GPR39: variants seen among roughly 807,000 people sequenced by gnomAD.
GPR39 encodes G protein-coupled receptor 39, also known as zinc sensing receptor.
A neutral mutation model predicts 18.4 loss-of-function variants in GPR39; 23 were observed. The ratio of observed to expected loss-of-function variants is 1.25; its 90% CI spans 0.90 to 1.77. The LOEUF (loss-of-function observed/expected upper bound fraction) is 1.77. Ranked by LOEUF, GPR39 falls within the 40% of genes most tolerant of loss-of-function variation. The pLI is 0.00. For synonymous variants in GPR39, 280 were observed against 257.9 expected, an observed-to-expected ratio of 1.09 and a Z score of -0.82; for missense variants, 647 against 602.4, an observed-to-expected ratio of 1.07 and a Z score of -0.78.
intron 1 of GPR39, among the ~76,000 whole-genome samples, chr2:132,503,861 G>T (rs1292110850): frequency 1.3e-5 from 2 of 152,140 alleles, no homozygotes; most frequent in Non-Finnish European, 2.9e-5. Context: ...AGTCATACAG[G>T]TCACCAAGGA....
At chr2:132,577,165 T>C (rs1680543819) in intron 1 of GPR39, among the ~76,000 whole-genome samples, 1 of 151,978 alleles carries the variant, frequency 6.6e-6, no homozygotes, top group Non-Finnish European at 1.5e-5. Flanking sequence ...GAGACCAGCC[T>C]GGGCAACACG....
intron 1 of GPR39, among the ~76,000 whole-genome samples, chr2:132,483,479 C>T (rs993989489): frequency 6.6e-6 from 1 of 152,214 alleles, no homozygotes; most frequent in Non-Finnish European, 1.5e-5. Context: ...TTTTGTATGC[C>T]TTCCATGTTG....
At chr2:132,461,145 G>A (rs1680823268) in intron 1 of GPR39, among the ~76,000 whole-genome samples, 1 of 152,104 alleles carries the variant, frequency 6.6e-6, no homozygotes, top group Non-Finnish European at 1.5e-5. Context: ...ACCCTTGTGG[G>A]TAGTATTCTC....
chr2:132,517,439 A>G (rs1679353440), intron 1 of GPR39, among the ~76,000 whole-genome samples: 2 of 152,130 alleles, frequency 1.3e-5, no homozygotes. Flanking sequence ...ATTCTAGTTG[A>G]ATTTCCTCTA....
chr2:132,578,190 ATTT>A (rs1218610617), intron 1 of GPR39, among the ~76,000 whole-genome samples: 1 of 146,402 alleles, frequency 6.8e-6, no homozygotes, highest in Non-Finnish European at 1.5e-5. Flanking sequence ...GATTTTATTT[ATTT>A]TTCTCAAATA....
chr2:132,565,078 C>G (rs1473632567), intron 1 of GPR39, among the ~76,000 whole-genome samples: 6 of 151,994 alleles, frequency 3.9e-5, no homozygotes, highest in Non-Finnish European at 8.8e-5. Context: ...CTCAGCCTCC[C>G]AAAGTGCTGG....
chr2:132,477,091 T>C (rs913770439), intron 1 of GPR39, among the ~76,000 whole-genome samples: 2 of 152,226 alleles, frequency 1.3e-5, no homozygotes, highest in Non-Finnish European at 2.9e-5. Flanking sequence ...ATCCCATCTG[T>C]TTTTACATGG....
chr2:132,634,206 C>T (rs547187697), intron 1 of GPR39, among the ~76,000 whole-genome samples: 15 of 152,092 alleles, frequency 9.9e-5, no homozygotes, highest in African/African-American at 3.6e-4. Context: ...AGAGATGATT[C>T]TGGAGGTGAG....
At chr2:132,560,090 C>T (rs751878552) in intron 1 of GPR39, among the ~76,000 whole-genome samples, 2 of 152,104 alleles carry the variant, frequency 1.3e-5, no homozygotes, top group Non-Finnish European at 2.9e-5. Flanking sequence ...GAGCTGTCTG[C>T]ATCCCTCAGC....
intron 1 of GPR39, among the ~76,000 whole-genome samples, chr2:132,619,390 C>T (rs1681395204): frequency 2.0e-5 from 3 of 152,126 alleles, no homozygotes; most frequent in Non-Finnish European, 2.9e-5. Context: ...GTCTTTGGTC[C>T]CAGCTGGGAA....
rs116489498 is a variant in GPR39 at position 132,620,585 on chromosome 2, C to G, written c.857-24516C>G. On this transcript the variant is annotated intron_variant, in intron 1 of 1. Coordinates refer to ENST00000329321, the MANE Select transcript of GPR39 (RefSeq NM_001508.3). ...GGTGCTCCACATTAGGCAGGGAAGG[C>G]CTGGCATGAGGAGTCCTGTGTCTAC... Among the ~76,000 whole-genome samples, 144 of 152,236 alleles carry G rather than the reference C, an allele frequency of 9.5e-4. 1 individual carries two copies. Among genetic ancestry groups the G allele is most frequent in the African/African-American group, 3.4e-3 (140 of 41,564 alleles).
intron 1 of GPR39, among the ~76,000 whole-genome samples, chr2:132,470,056 G>A (rs2104782473): frequency 6.6e-6 from 1 of 152,336 alleles, no homozygotes; most frequent in South Asian, 2.1e-4. Flanking sequence ...ATGAGACGGT[G>A]TGATGTCTTA....
intron 1 of GPR39, among the ~76,000 whole-genome samples, chr2:132,528,942 G>A (rs1030965687): frequency 1.3e-5 from 2 of 152,282 alleles, no homozygotes; most frequent in South Asian, 2.1e-4. Flanking sequence ...CAGCATGAGC[G>A]ATGCAGAAGA....
At chr2:132,585,969 T>C (rs1232395833) in intron 1 of GPR39, among the ~76,000 whole-genome samples, 30 of 147,638 alleles carry the variant, frequency 2.0e-4, no homozygotes, top group African/African-American at 7.3e-4. Flanking sequence ...TTTTTTTTTT[T>C]TTTAATGCCC....
At chr2:132,550,301 C>T (rs778482064) in intron 1 of GPR39, among the ~76,000 whole-genome samples, 5 of 152,152 alleles carry the variant, frequency 3.3e-5, no homozygotes, top group Admixed American at 6.5e-5. Flanking sequence ...TATAAGGAGG[C>T]GTTGGATCAG....
At chr2:132,428,235 C>A (rs1357307915) in intron 1 of GPR39, among the ~76,000 whole-genome samples, 1 of 152,028 alleles carries the variant, frequency 6.6e-6, no homozygotes, top group East Asian at 1.9e-4. Context: ...ATTATTCCAG[C>A]AGATCTTCAC....
intron 1 of GPR39, among the ~76,000 whole-genome samples, chr2:132,559,206 G>T (rs1680204818): frequency 6.6e-6 from 1 of 152,164 alleles, no homozygotes; most frequent in African/African-American, 2.4e-5. Flanking sequence ...ACTGACCGAG[G>T]TTGGGATCCA....
intron 1 of GPR39, among the ~76,000 whole-genome samples, chr2:132,600,541 A>G (rs1422815219): frequency 3.9e-5 from 6 of 152,166 alleles, no homozygotes; most frequent in Non-Finnish European, 8.8e-5. Flanking sequence ...AACTAATATC[A>G]CAGAAATACA....
chr2:132,615,267 A>G (rs1438131540), intron 1 of GPR39, among the ~76,000 whole-genome samples: 1 of 152,138 alleles, frequency 6.6e-6, no homozygotes, highest in Non-Finnish European at 1.5e-5. Context: ...CACTTTTGAA[A>G]ACAGAATGAA....
Sources: gnomAD v4.1 joint callset for allele counts (sites outside exome capture counted in the v4.1 genomes callset) on GRCh38, gnomAD v4.1.1 for gene constraint, MANE v1.5 for transcripts, NCBI Gene and HGNC (gene_info 2026-07-23, HGNC 2026-07-21) for gene names.